DLGAP2: variants seen among roughly 807,000 people sequenced by gnomAD.
DLGAP2 encodes DLG associated protein 2.
DLGAP2 carries 26 observed loss-of-function variants against 100.3 expected under a neutral mutation model. The observed-to-expected ratio is 0.26, with a 90% CI of 0.19 to 0.36. DLGAP2 has a LOEUF of 0.36. Ranked by LOEUF, DLGAP2 falls within the 10% of genes least tolerant of loss-of-function variation. The pLI is 1.00. For missense variants in DLGAP2, 1,858 were observed against 1,453.2 expected (o/e 1.28, Z -4.53); for synonymous variants, 886 against 630.1 (o/e 1.41, Z -6.08).
intron 4 of DLGAP2, among the ~76,000 whole-genome samples, chr8:1,543,290 G>C (rs1338100177): frequency 1.3e-5 from 2 of 152,146 alleles, no homozygotes; most frequent in African/African-American, 4.8e-5. Flanking sequence ...ACAAAGAAAT[G>C]CATCTATGTT....
intron 1 of DLGAP2, among the ~76,000 whole-genome samples, chr8:741,235 C>A (rs1820474467): frequency 6.6e-6 from 1 of 152,212 alleles, no homozygotes; most frequent in African/African-American, 2.4e-5. Flanking sequence ...ATTGACCAGG[C>A]ATGGGGTCGT....
chr8:818,014 G>A (rs1024263330), intron 1 of DLGAP2, among the ~76,000 whole-genome samples: 2 of 152,158 alleles, frequency 1.3e-5, no homozygotes, highest in Non-Finnish European at 2.9e-5. Context: ...GGGTGTACCT[G>A]GTTAAATATT....
In DLGAP2 at chr8:1,701,677, A is replaced by T; in HGVS notation, c.*271A>T. 2.1e-6 allele frequency: 1 copy of T among 476,032 alleles called. No homozygotes were observed. The highest frequency in any genetic ancestry group is 3.7e-6 in the Non-Finnish European group (1 of 272,498). 29.5% of individuals were successfully genotyped at this position (476,032 alleles called of 1,614,324 possible). A position where few individuals can be genotyped will look rare whatever the true frequency, so the allele number is the denominator to read the frequency against. On this transcript the variant is annotated 3_prime_UTR_variant, in exon 15 of 15. Transcript: ENST00000637795. The stretch of plus-strand genomic sequence containing the variant: ...TGAGGGACAGGTGTGGCGAGACCTG[A>T]TTTCTCCTGCGTGTTCTCAGAGGAC...
chr8:1,073,003 C>G (rs1803482757), intron 2 of DLGAP2, among the ~76,000 whole-genome samples: 1 of 152,172 alleles, frequency 6.6e-6, no homozygotes, highest in Non-Finnish European at 1.5e-5. Flanking sequence ...TTATCACTCC[C>G]CATTTGTACC....
chr8:1,607,030 C>T (rs1411338859), intron 6 of DLGAP2, among the ~76,000 whole-genome samples: 1 of 152,176 alleles, frequency 6.6e-6, no homozygotes, highest in Non-Finnish European at 1.5e-5. Flanking sequence ...TTCTCCTGGG[C>T]ATATACCAAG....
chr8:1,258,797 C>G, intron 2 of DLGAP2, 54 bp from the exon 3 acceptor site: 4 of 1,226,258 alleles, frequency 3.3e-6, no homozygotes, highest in Non-Finnish European at 4.1e-6. Flanking sequence ...ATCTTTTTAA[C>G]TGCATGGTTG....
At chr8:1,496,425 GA>G (rs1419254619) in intron 3 of DLGAP2, among the ~76,000 whole-genome samples, 7 of 152,130 alleles carry the variant, frequency 4.6e-5, no homozygotes, top group African/African-American at 1.7e-4. Flanking sequence ...AGGTGTTGAT[GA>G]TGCAGCCACC....
intron 2 of DLGAP2, among the ~76,000 whole-genome samples, chr8:1,255,034 GCCCA>G (rs1465160210): frequency 1.4e-5 from 1 of 69,188 alleles, no homozygotes; most frequent in Non-Finnish European, 3.2e-5. Context: ...GTCTTCTCCT[GCCCA>G]GCCGCTGTGT....
intron 2 of DLGAP2, among the ~76,000 whole-genome samples, chr8:1,210,897 T>C (rs561947537): frequency 7.2e-5 from 11 of 152,294 alleles, no homozygotes; most frequent in African/African-American, 2.6e-4. Context: ...TGGGCAGCAA[T>C]GTCCCTCCCA....
intron 3 of DLGAP2, chr8:1,300,895 C>G (rs1170801404): frequency 6.6e-6 from 1 of 152,238 alleles, no homozygotes; most frequent in Admixed American, 6.5e-5. Flanking sequence ...CCAGTGAGGC[C>G]GCGTAGATAA....
At chr8:1,359,321 C>T (rs1170331183) in intron 3 of DLGAP2, among the ~76,000 whole-genome samples, 2 of 152,258 alleles carry the variant, frequency 1.3e-5, no homozygotes, top group Non-Finnish European at 2.9e-5. Flanking sequence ...TAGACGCCTT[C>T]ACCCAAAGAG....
chr8:1,476,665 T>TA (rs1798938587), intron 3 of DLGAP2, among the ~76,000 whole-genome samples: 2 of 152,114 alleles, frequency 1.3e-5, no homozygotes, highest in Admixed American at 6.5e-5. Context: ...CTGACTGCTG[T>TA]TGGCCAACCC....
At chr8:1,606,894 A>G (rs1039950292) in intron 6 of DLGAP2, among the ~76,000 whole-genome samples, 2 of 152,196 alleles carry the variant, frequency 1.3e-5, no homozygotes, top group African/African-American at 2.4e-5. Context: ...CATGTTGCCC[A>G]GGCTAGTCTC....
At chr8:1,155,926 T>C (rs1397614815) in intron 2 of DLGAP2, among the ~76,000 whole-genome samples, 1 of 152,156 alleles carries the variant, frequency 6.6e-6, no homozygotes, top group Non-Finnish European at 1.5e-5. Context: ...CCGAGGGAGC[T>C]TCGGGGCTCG....
At chr8:1,146,553 C>CTG (rs540753119) in intron 2 of DLGAP2, among the ~76,000 whole-genome samples, 22 of 151,080 alleles carry the variant, frequency 1.5e-4, no homozygotes, top group Admixed American at 6.0e-4. Flanking sequence ...ATCTCTGGAA[C>CTG]TGTGTGTGTG....
intron 1 of DLGAP2, among the ~76,000 whole-genome samples, chr8:795,804 G>A (rs1390234616): frequency 2.1e-5 from 3 of 143,252 alleles, no homozygotes; most frequent in Non-Finnish European, 4.6e-5. Flanking sequence ...GAGAACAGGC[G>A]TCCGGTGAGA....
At chr8:1,557,598 G>A (rs1324057406) in intron 5 of DLGAP2, among the ~76,000 whole-genome samples, 1 of 152,224 alleles carries the variant, frequency 6.6e-6, no homozygotes, top group East Asian at 1.9e-4. Flanking sequence ...GAGTCAGCTC[G>A]GGTGCCATGA....
At chr8:1,270,328 G>A (rs1799554915) in intron 3 of DLGAP2, among the ~76,000 whole-genome samples, 1 of 152,140 alleles carries the variant, frequency 6.6e-6, no homozygotes, top group African/African-American at 2.4e-5. Context: ...GAAATAGAAG[G>A]AAAAGTAGAA....
intron 2 of DLGAP2, among the ~76,000 whole-genome samples, chr8:1,191,811 A>G (rs1004232595): frequency 1.2e-4 from 19 of 152,288 alleles, no homozygotes; most frequent in African/African-American, 4.3e-4. Context: ...AATAAACCGT[A>G]TTATATAAGA....
Sources: gnomAD v4.1 joint callset for allele counts (sites outside exome capture counted in the v4.1 genomes callset) on GRCh38, gnomAD v4.1.1 for gene constraint, MANE v1.5 for transcripts, NCBI Gene and HGNC (gene_info 2026-07-23, HGNC 2026-07-21) for gene names.